Variants in RAD50 observed in about 807,000 individuals in gnomAD.
RAD50 encodes the protein DNA repair protein RAD50.
Under a neutral mutation model 168.8 loss-of-function variants are expected in RAD50, and 132 were observed. That is an observed-to-expected ratio of 0.78 (90% CI 0.68 to 0.90). The LOEUF is 0.90. Ranked by LOEUF, RAD50 falls within the 40% of genes least tolerant of loss-of-function variation. The pLI, the probability that RAD50 is intolerant of heterozygous loss-of-function variation, is 0.00. For missense variants in RAD50, 1,347 were observed against 1,534.4 expected (o/e 0.88, Z 2.04); for synonymous variants, 525 against 497.4 (o/e 1.06, Z -0.74).
rs1041398891 is a variant in RAD50 at position 132,637,986 on chromosome 5, C to G, written c.3476-95C>G. 2.1e-5 allele frequency: 28 copies of G among 1,334,396 alleles called. No homozygotes were observed. In the Admixed American group the frequency reaches 4.8e-4, roughly 23 times the overall value. The allele number at this position is 1,334,396 out of a possible 1,614,324, so 82.7% of individuals were successfully genotyped here. On this transcript the variant is annotated intron_variant, in intron 22 of 24. Coordinates refer to ENST00000378823, the MANE Select transcript of RAD50 (RefSeq NM_005732.4). ...ATTGTTTTCCTCTGGTAATGTCAGC[C>G]TCATCTGTTGTTCCTAGGCTTACTT...
chr5:132,633,098 C>CT (rs34616055), intron 21 of RAD50, among the ~76,000 whole-genome samples: 25,396 of 113,138 alleles, frequency 0.22, 3,692 homozygotes, highest in African/African-American at 0.31. Context: ...TTCGTTTTTT[C>CT]TTTTTTTTTT....
chr5:132,573,318 A>G (rs1750339470), intron 2 of RAD50, among the ~76,000 whole-genome samples: 1 of 152,202 alleles, frequency 6.6e-6, no homozygotes, highest in Non-Finnish European at 1.5e-5. Context: ...AGGCCTCACA[A>G]TCATGGTGGA....
chr5:132,587,901 C>T, intron 6 of RAD50, 23 bp from the exon 7 acceptor site: 1 of 1,608,920 alleles, frequency 6.2e-7, no homozygotes, highest in Non-Finnish European at 8.5e-7. Context: ...TACATTAAAG[C>T]TTTTTATTTT....
At chr5:132,592,662 C>A (rs1750723829) in intron 11 of RAD50, 1 of 290,944 alleles carries the variant, frequency 3.4e-6, no homozygotes, top group Admixed American at 3.7e-5. Context: ...GCATCCCCAA[C>A]AACTGTTGCC....
chr5:132,587,936 A>G lies in RAD50; in HGVS notation c.898A>G (p.Thr300Ala), dbSNP rs761043406. The change falls in exon 7 of 25, where the codon ACT (threonine) becomes GCT (alanine). Residue 300 changes from threonine (T) to alanine (A), a missense_variant. Around this residue, in one of 3 missense-constraint regions of RAD50, gnomAD observed 703 missense variants for 767.7 expected, o/e 0.92. Transcript: ENST00000378823. ...EEKMEKVFQG[T>A]DEQLNDLYHN... ...TGGTGTTACACAGGTTTTTCAAGGG[A>G]CTGATGAGCAACTAAATGACTTATA... 1 of 1,613,002 alleles carries G rather than the reference A, an allele frequency of 6.2e-7. No individual in the cohort carries two copies. Among genetic ancestry groups the G allele is most frequent in the East Asian group, 2.2e-5 (1 of 44,778 alleles).
Position 132,594,867 on chromosome 5 carries a change from A to G in RAD50, c.1794-2A>G, listed in dbSNP as rs752056466. ...GAAAATCCATATTTGCTCTTATTTTAGCAAGGAACTAGCTTCATCTGAGCA... is the reference window on the plus strand; with the variant it reads ...GAAAATCCATATTTGCTCTTATTTTGGCAAGGAACTAGCTTCATCTGAGCA... On this transcript the variant is annotated splice_acceptor_variant, in intron 11 of 24. Coordinates refer to ENST00000378823, the MANE Select transcript of RAD50 (RefSeq NM_005732.4). LOFTEE classifies it high-confidence loss of function. 1 of 1,598,666 alleles carries G rather than the reference A, an allele frequency of 6.3e-7. No individual in the cohort carries two copies. Among genetic ancestry groups the G allele is most frequent in the South Asian group, 1.1e-5 (1 of 90,522 alleles).
chr5:132,598,270 C>T (rs1750826903), intron 13 of RAD50, among the ~76,000 whole-genome samples: 1 of 152,072 alleles, frequency 6.6e-6, no homozygotes, highest in East Asian at 1.9e-4. Context: ...AGACTGGTTT[C>T]AAACTCCTCA....
intron 21 of RAD50, among the ~76,000 whole-genome samples, chr5:132,628,751 G>A (rs1751411267): frequency 6.6e-6 from 1 of 152,084 alleles, no homozygotes; most frequent in African/African-American, 2.4e-5. Flanking sequence ...GGAGGCTGAG[G>A]CAGGAGAATC....
intron 16 of RAD50, 73 bp from the exon 17 acceptor site, chr5:132,608,542 A>G: frequency 7.6e-7 from 1 of 1,322,282 alleles, no homozygotes; most frequent in Non-Finnish European, 1.0e-6. Context: ...GCTTTTATTA[A>G]GACTGTGAAG....
Position 132,587,981 on chromosome 5 carries a change from G to T in RAD50, c.943G>T (p.Val315Leu), listed in dbSNP as rs28903090. 2.2e-3 allele frequency: 3,569 copies of T among 1,612,604 alleles called. 5 individuals carry two copies. The highest frequency in any genetic ancestry group is 2.8e-3 in the Non-Finnish European group (3,357 of 1,178,794). Residue 315 changes from valine (V) to leucine (L), a missense_variant, in exon 7 of 25, where the codon GTA becomes TTA. Around this residue, in one of 3 missense-constraint regions of RAD50, gnomAD observed 703 missense variants for 767.7 expected, o/e 0.92. Transcript: ENST00000378823. Reference protein sequence around the residue: ...NDLYHNHQRTVREKERKLVDC... With the variant: ...NDLYHNHQRTLREKERKLVDC... ...CTTATATCACAATCACCAGAGAACA[G>T]TAAGGGAGAAAGAAAGGAAATTGGT... is the stretch of plus-strand genomic sequence containing the variant.
At chr5:132,558,362 G>C (rs951134072) in intron 1 of RAD50, among the ~76,000 whole-genome samples, 1 of 152,074 alleles carries the variant, frequency 6.6e-6, no homozygotes, top group African/African-American at 2.4e-5. Context: ...GATTGTTTGC[G>C]AGTGACCTCA....
At chr5:132,587,521 C>G (rs778352571) in intron 5 of RAD50, 41 bp from the exon 6 acceptor site, 2 of 1,606,074 alleles carry the variant, frequency 1.2e-6, no homozygotes, top group Middle Eastern at 2.0e-4. Flanking sequence ...GCCATGTAAG[C>G]TATAGTGAGT....
chr5:132,612,889 G>T (rs1751111196), intron 19 of RAD50, among the ~76,000 whole-genome samples: 1 of 152,086 alleles, frequency 6.6e-6, no homozygotes, highest in Admixed American at 6.6e-5. Context: ...AGAATCTTGG[G>T]GGTTTGGGCA....
intron 21 of RAD50, among the ~76,000 whole-genome samples, chr5:132,636,772 G>A (rs573794940): frequency 5.9e-5 from 9 of 152,136 alleles, no homozygotes; most frequent in Non-Finnish European, 7.4e-5. Context: ...AAGTTACCAC[G>A]GCCTAAGAAA....
chr5:132,583,078 A>G lies in RAD50; in HGVS notation c.756+3012A>G, dbSNP rs540684499. Among the ~76,000 whole-genome samples, 93 of 152,368 alleles carry G rather than the reference A, an allele frequency of 6.1e-4. 1 individual carries two copies. Among genetic ancestry groups the G allele is most frequent in the Admixed American group, 2.4e-3 (36 of 15,298 alleles). On this transcript the variant is annotated intron_variant, in intron 5 of 24. Transcript: ENST00000378823. ...TGTAGAGTATCATAGTAGAGCTGTTAGTATTCATTGCTCTTAAGTATCCAT... is the reference window on the plus strand; with the variant it reads ...TGTAGAGTATCATAGTAGAGCTGTTGGTATTCATTGCTCTTAAGTATCCAT...
chr5:132,579,526 T>C, intron 4 of RAD50, 24 bp downstream of exon 4: 2 of 1,590,064 alleles, frequency 1.3e-6, no homozygotes, highest in Non-Finnish European at 1.7e-6. Flanking sequence ...AAATAGACTT[T>C]GTAGTCCATT....
chr5:132,624,307 A>C (rs1751334174), intron 21 of RAD50, among the ~76,000 whole-genome samples: 1 of 152,228 alleles, frequency 6.6e-6, no homozygotes, highest in Non-Finnish European at 1.5e-5. Flanking sequence ...AAGGTGCTGA[A>C]ACAAGAACAT....
chr5:132,640,347 T>C (rs975317319), intron 23 of RAD50, among the ~76,000 whole-genome samples: 1 of 152,234 alleles, frequency 6.6e-6, no homozygotes, highest in Non-Finnish European at 1.5e-5. Context: ...TTATTAAAAT[T>C]ACAGATAAAT....
intron 16 of RAD50, among the ~76,000 whole-genome samples, chr5:132,608,028 C>A (rs1055782283): frequency 6.6e-6 from 1 of 152,158 alleles, no homozygotes; most frequent in Non-Finnish European, 1.5e-5. Context: ...TTGAAAGCCC[C>A]GTTCCTTCCA....
Sources: allele counts gnomAD v4.1 joint callset (sites outside exome capture counted in the v4.1 genomes callset), GRCh38; gene constraint gnomAD v4.1.1; regional missense constraint gnomAD v4.1.1; transcripts MANE v1.5; gene names NCBI Gene and HGNC (gene_info 2026-07-23, HGNC 2026-07-21).